PTP4A3: variants seen among roughly 807,000 people sequenced by gnomAD.
PTP4A3 encodes protein tyrosine phosphatase 4A3.
PTP4A3 carries 9 observed loss-of-function variants against 15.2 expected under a neutral mutation model. The observed-to-expected ratio is 0.59, with a 90% CI of 0.36 to 1.03. The LOEUF (loss-of-function observed/expected upper bound fraction) is 1.03, where lower values mean the gene tolerates loss of function less well. PTP4A3 is among the 50% of genes least tolerant of loss of function. The pLI is 0.02. For synonymous variants in PTP4A3, 95 were observed against 102.0 expected (o/e 0.93, Z 0.41); for missense variants, 234 against 252.1 (o/e 0.93, Z 0.49).
intron 1 of PTP4A3, among the ~76,000 whole-genome samples, chr8:141,417,826 C>A (rs1833122045): frequency 6.6e-6 from 1 of 151,974 alleles, no homozygotes; most frequent in African/African-American, 2.4e-5. Context: ...GGTGTGGGAG[C>A]CCCCGGCAGC....
Position 141,431,373 on chromosome 8 carries a change from G to C in PTP4A3, c.*329G>C. The C allele has an allele frequency of 2.7e-6, 1 of 369,134 alleles. No homozygotes were observed. The highest frequency in any genetic ancestry group is 4.9e-6 in the Non-Finnish European group (1 of 203,662). 22.9% of individuals were successfully genotyped at this position (369,134 alleles called of 1,614,324 possible). On this transcript the variant is annotated 3_prime_UTR_variant, in exon 6 of 6. Coordinates refer to ENST00000521578, the MANE Select transcript of PTP4A3 (RefSeq NM_032611.3). ...GCTGGTCTCCTCTAGCCTGTTTGTT[G>C]TGGGGTGGGGGTATATTTTGTAACC...
intron 1 of PTP4A3, among the ~76,000 whole-genome samples, chr8:141,393,914 T>C (rs1832370478): frequency 6.6e-6 from 1 of 152,212 alleles, no homozygotes; most frequent in African/African-American, 2.4e-5. Flanking sequence ...GAGGGCATGC[T>C]TAACAGATGC....
chr8:141,430,571 C>T (rs373373189), intron 5 of PTP4A3, among the ~76,000 whole-genome samples: 4 of 152,262 alleles, frequency 2.6e-5, no homozygotes, highest in Non-Finnish European at 4.4e-5. Context: ...TACTCACAGG[C>T]CCCCCTTCCT....
intron 1 of PTP4A3, among the ~76,000 whole-genome samples, chr8:141,419,522 A>G (rs1195140500): frequency 1.3e-5 from 2 of 150,484 alleles, no homozygotes; most frequent in Non-Finnish European, 2.9e-5. Flanking sequence ...CAGGGACAGT[A>G]TCCTTGTCTC....
At chr8:141,430,331 C>G (rs1833804494) in intron 5 of PTP4A3, among the ~76,000 whole-genome samples, 1 of 143,690 alleles carries the variant, frequency 7.0e-6, no homozygotes, top group African/African-American at 2.7e-5. Flanking sequence ...GGTGAGCACA[C>G]AGTCCAGGTC....
intron 2 of PTP4A3, among the ~76,000 whole-genome samples, chr8:141,424,059 C>T (rs1833453212): frequency 6.6e-6 from 1 of 152,112 alleles, no homozygotes; most frequent in African/African-American, 2.4e-5. Context: ...GAGCCGTGGG[C>T]TGGGTGGCCA....
chr8:141,401,923 C>T (rs1317422945), intron 1 of PTP4A3, among the ~76,000 whole-genome samples: 1 of 152,158 alleles, frequency 6.6e-6, no homozygotes, highest in Non-Finnish European at 1.5e-5. Context: ...AGCTCACAGT[C>T]TCAAGGCATG....
chr8:141,403,200 A>G (rs1181879669), intron 1 of PTP4A3, among the ~76,000 whole-genome samples: 1 of 152,196 alleles, frequency 6.6e-6, no homozygotes, highest in African/African-American at 2.4e-5. Flanking sequence ...TAAGTGAAAG[A>G]GGGCATGCAA....
chr8:141,424,954 A>G, intron 2 of PTP4A3, 94 bp from the exon 3 acceptor site: 1 of 1,050,084 alleles, frequency 9.5e-7, no homozygotes, highest in Non-Finnish European at 1.4e-6. Context: ...TGTGGGGGAC[A>G]CAGCTGTGCC....
At chr8:141,392,583 G>C (rs905462776) in intron 1 of PTP4A3, 1 of 152,354 alleles carries the variant, frequency 6.6e-6, no homozygotes, top group Non-Finnish European at 1.5e-5. Context: ...GTCTCAGGCC[G>C]GGTGGAGTCC....
In PTP4A3 at chr8:141,414,537, C is replaced by T. The variant is rs1360461177; in HGVS notation, c.-853-6851C>T. Among the ~76,000 whole-genome samples, 3 of 150,980 alleles carry T rather than the reference C, an allele frequency of 2.0e-5. No individual in the cohort carries two copies. The South Asian group carries it at 6.2e-4, about 31-fold the overall frequency. ...GTGGCAGGTGTGTGAGTCTCTGCAC[C>T]TGGCCGGGGTCTTGAGGAGCAGGAG... is the stretch of plus-strand genomic sequence containing the variant. On this transcript the variant is annotated intron_variant, in intron 1 of 5. Transcript: ENST00000521578.
At position 141,418,228 on chromosome 8, in the gene PTP4A3, TCTC is replaced by T. The variant is rs544118405; in HGVS notation, c.-853-3157_-853-3155del. ...AGCCCTGACCGCGGCGCAGCTTACT[TCTC>T]CTGAGACCCGCTGAGCCCCGGGCCT... On this transcript the variant is annotated intron_variant, in intron 1 of 5. Transcript: ENST00000521578. Among the ~76,000 whole-genome samples the T allele has an allele frequency of 5.9e-5, 9 of 152,138 alleles. No homozygotes were observed. The South Asian group carries it at 1.7e-3, about 28-fold the overall frequency.
intron 1 of PTP4A3, among the ~76,000 whole-genome samples, chr8:141,397,989 G>A (rs1203296614): frequency 3.3e-5 from 5 of 152,212 alleles, no homozygotes; most frequent in African/African-American, 1.2e-4. Flanking sequence ...GACAGTCAGC[G>A]CAGGCGGAGC....
intron 3 of PTP4A3, 35 bp from the exon 4 acceptor site, chr8:141,426,904 C>T (rs758068890): frequency 6.2e-7 from 1 of 1,601,448 alleles, no homozygotes; most frequent in Admixed American, 1.7e-5. Context: ...TACCCTCCCT[C>T]AGCCGGGGGT....
rs548058885 is a variant in PTP4A3 at position 141,406,984 on chromosome 8, C to G, written c.-853-14404C>G. On this transcript the variant is annotated intron_variant, in intron 1 of 5. Coordinates refer to ENST00000521578, the MANE Select transcript of PTP4A3 (RefSeq NM_032611.3). This position sits in a 1 kb window ranked among gnomAD's most constrained non-coding sequence, Gnocchi z 4.5. ...ATGCCACCTTCACCTTCTGGATTCT[C>G]TCCAGGGGAGGAGGTCAGGCCCTTG... Among the ~76,000 whole-genome samples the G allele has an allele frequency of 2.0e-5, 3 of 152,254 alleles. No individual in the cohort carries two copies. The highest frequency in any genetic ancestry group is 2.9e-5 in the Non-Finnish European group (2 of 68,044).
At chr8:141,426,778 C>T (rs1833593649) in intron 3 of PTP4A3, 161 bp from the exon 4 acceptor site, 1 of 909,208 alleles carries the variant, frequency 1.1e-6, no homozygotes, top group Non-Finnish European at 1.3e-6. Flanking sequence ...TGCCCATAGG[C>T]AAGCTGTGCC....
chr8:141,394,548 A>G (rs1006894317), intron 1 of PTP4A3, among the ~76,000 whole-genome samples: 5 of 152,202 alleles, frequency 3.3e-5, no homozygotes, highest in Non-Finnish European at 7.4e-5. Context: ...AGGCTGGGCT[A>G]GAGGCAGGAG....
intron 1 of PTP4A3, among the ~76,000 whole-genome samples, chr8:141,416,498 C>A (rs1442713471): frequency 2.0e-5 from 3 of 152,092 alleles, no homozygotes; most frequent in Non-Finnish European, 4.4e-5. Context: ...TGAAGCTGAC[C>A]CATTCTTGCC....
chr8:141,398,601 G>GGTCTC (rs1832508428), intron 1 of PTP4A3, among the ~76,000 whole-genome samples: 1 of 152,098 alleles, frequency 6.6e-6, no homozygotes, highest in African/African-American at 2.4e-5. Context: ...GGAGTTGGAG[G>GGTCTC]GTCTCGGGTC....
Sources: gnomAD v4.1 joint callset for allele counts (sites outside exome capture counted in the v4.1 genomes callset) on GRCh38, gnomAD v4.1.1 for gene constraint, Gnocchi (gnomAD v3.1) non-coding constraint, MANE v1.5 for transcripts, NCBI Gene and HGNC (gene_info 2026-07-23, HGNC 2026-07-21) for gene names.